TEX264: variants seen among roughly 807,000 people sequenced by gnomAD.
TEX264 encodes testis-expressed protein 264.
Under a neutral mutation model 23.4 loss-of-function variants are expected in TEX264, and 13 were observed. The observed-to-expected ratio is 0.56, with a 90% CI of 0.36 to 0.88. The LOEUF is 0.88. Among genes scored for constraint, TEX264 ranks in the 40% least tolerant of loss-of-function variants. The pLI is 0.01. For missense variants in TEX264, 340 were observed against 406.8 expected, an observed-to-expected ratio of 0.84 and a Z score of 1.41; for synonymous variants, 159 against 170.0, an observed-to-expected ratio of 0.94 and a Z score of 0.50.
At chr3:51,687,007 T>C (rs1702644960) in intron 3 of TEX264, among the ~76,000 whole-genome samples, 1 of 152,224 alleles carries the variant, frequency 6.6e-6, no homozygotes. Flanking sequence ...TGCCTGGTTT[T>C]GACGTCACCT....
intron 3 of TEX264, among the ~76,000 whole-genome samples, chr3:51,689,863 T>G (rs901232271): frequency 1.3e-5 from 2 of 152,064 alleles, no homozygotes; most frequent in Non-Finnish European, 2.9e-5. Flanking sequence ...GAGGCACTTG[T>G]CTTGAGGGGA....
chr3:51,695,338 T>C (rs1476251753), intron 3 of TEX264, among the ~76,000 whole-genome samples: 4 of 152,210 alleles, frequency 2.6e-5, no homozygotes, highest in Admixed American at 2.6e-4. Flanking sequence ...CCTCCTTCTT[T>C]TGGGCATTTG....
At chr3:51,674,586 G>T in intron 2 of TEX264, 24 bp downstream of exon 2, 3 of 1,608,698 alleles carry the variant, frequency 1.9e-6, no homozygotes, top group Non-Finnish European at 2.6e-6. Context: ...ATGGGGTTCT[G>T]CCCCATGGAT....
intron 3 of TEX264, among the ~76,000 whole-genome samples, chr3:51,698,778 A>G (rs1703166872): frequency 6.6e-6 from 1 of 152,214 alleles, no homozygotes; most frequent in African/African-American, 2.4e-5. Flanking sequence ...CATACCTGAT[A>G]GTCTCAGAGG....
chr3:51,679,540 G>C (rs904763137), intron 2 of TEX264, among the ~76,000 whole-genome samples: 2 of 152,308 alleles, frequency 1.3e-5, no homozygotes, highest in South Asian at 4.1e-4. Flanking sequence ...GTCTGCTTGA[G>C]TTTGAATCCT....
In TEX264 at chr3:51,703,546, T is replaced by C. The variant is rs1299999263; in HGVS notation, c.650-178T>C. Among the ~76,000 whole-genome samples the C allele has an allele frequency of 4.0e-5, 6 of 151,512 alleles. No individual in the cohort carries two copies. Among genetic ancestry groups the C allele is most frequent in the Non-Finnish European group, 7.4e-5 (5 of 67,992 alleles). On this transcript the variant is annotated intron_variant, in intron 4 of 4. Coordinates refer to ENST00000341333, the MANE Select transcript of TEX264 (RefSeq NM_015926.6). This position sits in a 1 kb window ranked among gnomAD's most constrained non-coding sequence, Gnocchi z 4.8. ...CCTCCCTCCCTTCCTCCCAGCTCTT[T>C]CCCTCTGCCCTGTCTGTGCAGCCCC...
At chr3:51,684,190 T>G in intron 2 of TEX264, 1 of 564,828 alleles carries the variant, frequency 1.8e-6, no homozygotes. Context: ...CATGGCATGT[T>G]TGTTGAAGGA....
At position 51,673,982 on chromosome 3, in the gene TEX264, C is replaced by A. The variant is rs1318735629; in HGVS notation, c.-34-289C>A. Among the ~76,000 whole-genome samples the A allele has an allele frequency of 2.6e-5, 4 of 152,244 alleles. No individual in the cohort carries two copies. In the East Asian group the frequency reaches 7.7e-4, roughly 29 times the overall value. ...TCTCTGGCTGAATCACTCCTGTGCC[C>A]CTCTGTGACTCAGTTTCCCCAGGTG... On this transcript the variant is annotated intron_variant, in intron 1 of 4. Transcript: ENST00000341333.
chr3:51,693,253 C>T (rs368945769), intron 3 of TEX264, among the ~76,000 whole-genome samples: 2 of 152,144 alleles, frequency 1.3e-5, no homozygotes, highest in African/African-American at 2.4e-5. Context: ...CAGGCAGTGG[C>T]GGCAGCAGGC....
intron 2 of TEX264, among the ~76,000 whole-genome samples, chr3:51,674,822 A>G (rs1446327941): frequency 1.3e-5 from 2 of 152,168 alleles, no homozygotes; most frequent in Non-Finnish European, 2.9e-5. Flanking sequence ...GCAGTGGACT[A>G]TACCACCATG....
At chr3:51,693,520 C>T (rs1018169375) in intron 3 of TEX264, among the ~76,000 whole-genome samples, 4 of 146,082 alleles carry the variant, frequency 2.7e-5, no homozygotes, top group African/African-American at 1.0e-4. Flanking sequence ...CATTCTGTCA[C>T]ACAGGCTGGA....
chr3:51,675,964 AAGG>A (rs1372713350), intron 2 of TEX264, among the ~76,000 whole-genome samples: 1 of 152,022 alleles, frequency 6.6e-6, no homozygotes, highest in Non-Finnish European at 1.5e-5. Context: ...TGGAGGAGGG[AAGG>A]AGATGAGGCA....
At chr3:51,678,313 T>A (rs1008113073) in intron 2 of TEX264, among the ~76,000 whole-genome samples, 1 of 152,290 alleles carries the variant, frequency 6.6e-6, no homozygotes, top group Admixed American at 6.5e-5. Context: ...AGCTCTGGCC[T>A]GTGGACAGGC....
chr3:51,675,518 A>C (rs1702200786), intron 2 of TEX264, among the ~76,000 whole-genome samples: 1 of 151,910 alleles, frequency 6.6e-6, no homozygotes, highest in South Asian at 2.1e-4. Context: ...GCCAGGTTCT[A>C]CTCTACACCT....
rs773727438 is a variant in TEX264, at chr3:51,699,572, C to G, written c.647C>G (p.Thr216Arg). The G allele has an allele frequency of 3.7e-6, 6 of 1,613,716 alleles. No homozygotes were observed. The East Asian group carries it at 1.3e-4, about 36-fold the overall frequency. Residue 216 changes from threonine (T) to arginine (R), a missense_variant and splice_region_variant, in exon 4 of 5, where the codon ACA (threonine) becomes AGA (arginine). Coordinates refer to ENST00000341333, the MANE Select transcript of TEX264 (RefSeq NM_015926.6). Reference sequence around the variant, plus strand: ...GCCATTGACACCCAGGTGGATGGCACAGGTACAGAAGGTGGGGTATGAGGA... The same window carrying G: ...GCCATTGACACCCAGGTGGATGGCAGAGGTACAGAAGGTGGGGTATGAGGA... ...VEAIDTQVDG[T>R]GADTMSDTSS...
At chr3:51,701,789 G>T (rs1323242456) in intron 4 of TEX264, among the ~76,000 whole-genome samples, 1 of 148,356 alleles carries the variant, frequency 6.7e-6, no homozygotes, top group African/African-American at 2.6e-5. Context: ...CTGCCACCAT[G>T]CCCGGCTAAT....
At position 51,703,607 on chromosome 3, in the gene TEX264, C is replaced by G; in HGVS notation, c.650-117C>G. On this transcript the variant is annotated intron_variant, in intron 4 of 4. Coordinates refer to ENST00000341333, the MANE Select transcript of TEX264 (RefSeq NM_015926.6). This position sits in a 1 kb window ranked among gnomAD's most constrained non-coding sequence, Gnocchi z 4.8. ...GAGGGCAGAGGGCAGCTGGAGCAAG[C>G]CCCCTGAGCCCGGGAGGCTGCATTA... is the stretch of plus-strand genomic sequence containing the variant. The G allele has an allele frequency of 1.9e-6, 2 of 1,073,902 alleles. No homozygotes were observed. Among genetic ancestry groups the G allele is most frequent in the Non-Finnish European group, 2.7e-6 (2 of 752,024 alleles). The allele number at this position is 1,073,902 out of a possible 1,614,324, so 66.5% of individuals were successfully genotyped here.
At chr3:51,685,837 C>CT (rs1187700913) in intron 3 of TEX264, among the ~76,000 whole-genome samples, 5 of 152,166 alleles carry the variant, frequency 3.3e-5, no homozygotes, top group Non-Finnish European at 7.3e-5. Context: ...GGCCCAGCGG[C>CT]TATAGAGCTG....
At chr3:51,685,665 C>A (rs1366566007) in intron 3 of TEX264, among the ~76,000 whole-genome samples, 1 of 152,184 alleles carries the variant, frequency 6.6e-6, no homozygotes, top group Non-Finnish European at 1.5e-5. Context: ...AGGAAAATAA[C>A]ACAGTTGGAG....
Sources: gnomAD v4.1 joint callset for allele counts (sites outside exome capture counted in the v4.1 genomes callset) on GRCh38, gnomAD v4.1.1 for gene constraint, Gnocchi (gnomAD v3.1) non-coding constraint, MANE v1.5 for transcripts, NCBI Gene and HGNC (gene_info 2026-07-23, HGNC 2026-07-21) for gene names.